UGT1A7: variants seen among roughly 807,000 people sequenced by gnomAD.
The protein encoded by UGT1A7 is UDP-glucuronosyltransferase 1A7.
UGT1A7 carries 33 observed loss-of-function variants against 45.6 expected under a neutral mutation model. The observed-to-expected ratio is 0.72, with a 90% CI of 0.55 to 0.97. UGT1A7 has a LOEUF of 0.97. UGT1A7 is among the 50% of genes least tolerant of loss of function. The pLI is 0.00. For synonymous variants in UGT1A7, 274 were observed against 250.6 expected (o/e 1.09, Z -0.88); for missense variants, 684 against 666.2 (o/e 1.03, Z -0.29).
At chr2:233,726,270 A>G (rs6711351) in intron 1 of UGT1A7, among the ~76,000 whole-genome samples, 81,704 of 152,100 alleles carry the variant, frequency 0.54, 23,602 homozygotes, top group African/African-American at 0.76. Context: ...GCATGCGCCT[A>G]TGGTCCCAGG....
chr2:233,753,949 C>T (rs1032633055), intron 1 of UGT1A7, among the ~76,000 whole-genome samples: 3 of 152,164 alleles, frequency 2.0e-5, no homozygotes, highest in African/African-American at 7.2e-5. Context: ...GTATGACCTC[C>T]AAAATATTAA....
intron 1 of UGT1A7, chr2:233,729,792 C>A (rs370250320): frequency 4.3e-6 from 7 of 1,613,982 alleles, no homozygotes; most frequent in East Asian, 2.2e-5. Flanking sequence ...CCCTGTCCTA[C>A]ATTTGCCATG....
Position 233,772,467 on chromosome 2 carries a change from T to C in UGT1A7, c.1501T>C (p.Phe501Leu), listed in dbSNP as rs761746377. Residue 501 changes from phenylalanine to leucine, a missense_variant, in exon 5 of 5, where the codon TTC becomes CTC. Transcript: ENST00000373426. ...FLLAVVLTVA[F>L]ITFKCCAYGY... is the part of the protein sequence containing the mutation. ...CTTGGCCGTCGTGCTGACAGTGGCC[T>C]TCATCACCTTTAAATGTTGTGCTTA... is the stretch of plus-strand genomic sequence containing the variant. 2 of 1,614,038 alleles carry C rather than the reference T, an allele frequency of 1.2e-6. No individual in the cohort carries two copies. The highest frequency in any genetic ancestry group is 1.3e-5 in the African/African-American group (1 of 74,916).
chr2:233,719,362 A>G (rs780815803), intron 1 of UGT1A7: 39 of 1,613,708 alleles, frequency 2.4e-5, no homozygotes, highest in Non-Finnish European at 3.1e-5. Context: ...TGTGACTTAG[A>G]CTTTAAGGGC....
At chr2:233,697,544 C>A (rs2075397492) in intron 1 of UGT1A7, among the ~76,000 whole-genome samples, 1 of 149,170 alleles carries the variant, frequency 6.7e-6, no homozygotes, top group African/African-American at 2.5e-5. Flanking sequence ...TTGGTCTTTG[C>A]ATTGTTTATT....
At chr2:233,724,917 C>T (rs1223036071) in intron 1 of UGT1A7, among the ~76,000 whole-genome samples, 1 of 141,476 alleles carries the variant, frequency 7.1e-6, no homozygotes, top group Non-Finnish European at 1.5e-5. Flanking sequence ...CCATTGAGCA[C>T]TGAGTGAACG....
intron 1 of UGT1A7, among the ~76,000 whole-genome samples, chr2:233,739,415 C>A (rs1192478838): frequency 6.6e-6 from 1 of 152,198 alleles, no homozygotes; most frequent in African/African-American, 2.4e-5. Context: ...CCTCTGAAAG[C>A]AGCCAGGACG....
intron 1 of UGT1A7, chr2:233,760,592 A>G (rs2125986394): frequency 1.1e-5 from 18 of 1,614,212 alleles, no homozygotes; most frequent in Non-Finnish European, 1.5e-5. Flanking sequence ...GTTTTTGAGA[A>G]TGATTCTTTC....
At chr2:233,698,261 A>G (rs911865957) in intron 1 of UGT1A7, among the ~76,000 whole-genome samples, 9 of 152,224 alleles carry the variant, frequency 5.9e-5, no homozygotes, top group Non-Finnish European at 1.3e-4. Context: ...TTGTCCAATA[A>G]TCAAACCATT....
rs747062491 is a variant in UGT1A7 at position 233,767,878 on chromosome 2, A to T, written c.1017A>T (p.Pro339=). The change falls in exon 3 of 5, where the codon CCA becomes CCT. Residue 339 remains proline, a synonymous_variant. Coordinates refer to ENST00000373426, the MANE Select transcript of UGT1A7 (RefSeq NM_019077.3). ...TGTGGCGGTACACTGGAACCCGACC[A>T]TCGAATCTTGCGAACAACACGATAC... ...TVLWRYTGTR[P]SNLANNTILV... The T allele has an allele frequency of 2.0e-4, 328 of 1,614,032 alleles. No individual in the cohort carries two copies. Among genetic ancestry groups the T allele is most frequent in the Non-Finnish European group, 2.7e-4 (318 of 1,180,042 alleles).
chr2:233,699,787 C>T (rs1396107270), intron 1 of UGT1A7, among the ~76,000 whole-genome samples: 1 of 152,204 alleles, frequency 6.6e-6, no homozygotes, highest in South Asian at 2.1e-4. Flanking sequence ...CAAGTTTCCT[C>T]CTCTCATATT....
intron 1 of UGT1A7, chr2:233,760,701 C>T (rs768185321): frequency 1.2e-5 from 19 of 1,614,172 alleles, no homozygotes; most frequent in Non-Finnish European, 1.6e-5. Flanking sequence ...AGCTCATGGC[C>T]TCCCTGGCAG....
rs1003535917 is a variant in UGT1A7, at chr2:233,692,765, G to A, written c.855+9973G>A. On this transcript the variant is annotated intron_variant, in intron 1 of 4. Coordinates refer to ENST00000373426, the MANE Select transcript of UGT1A7 (RefSeq NM_019077.3). ...AGAAGCAGACTTGTGGAGCTGAAGA[G>A]AAACACCCAGAAGCTCAGGTGAAAG... 4 of 1,253,520 alleles carry A rather than the reference G, an allele frequency of 3.2e-6. No individual in the cohort carries two copies. The African/African-American group carries it at 6.1e-5, about 19-fold the overall frequency. The allele number at this position is 1,253,520 out of a possible 1,614,324, so 77.6% of individuals were successfully genotyped here.
chr2:233,716,632 A>G (rs1442427845), intron 1 of UGT1A7, among the ~76,000 whole-genome samples: 1 of 152,158 alleles, frequency 6.6e-6, no homozygotes, highest in Non-Finnish European at 1.5e-5. Flanking sequence ...TGAAGTTTTT[A>G]TCGTTTGTAC....
At chr2:233,757,428 A>C (rs987166652) in intron 1 of UGT1A7, among the ~76,000 whole-genome samples, 1 of 151,108 alleles carries the variant, frequency 6.6e-6, no homozygotes, top group Non-Finnish European at 1.5e-5. Flanking sequence ...AAGAGAAGAA[A>C]AGTCACTTCT....
intron 1 of UGT1A7, among the ~76,000 whole-genome samples, chr2:233,714,326 A>T (rs1163768805): frequency 6.6e-6 from 1 of 152,128 alleles, no homozygotes. Context: ...ACCACAGGAG[A>T]CCTAAGCACT....
At chr2:233,737,493 C>T (rs2078886571) in intron 1 of UGT1A7, among the ~76,000 whole-genome samples, 1 of 152,188 alleles carries the variant, frequency 6.6e-6, no homozygotes, top group Admixed American at 6.5e-5. Flanking sequence ...AAGGGAAATC[C>T]CTCACCCTCT....
At chr2:233,712,952 A>G (rs1036580894) in intron 1 of UGT1A7, 10 of 1,612,796 alleles carry the variant, frequency 6.2e-6, no homozygotes, top group Non-Finnish European at 7.6e-6. Flanking sequence ...AGGAGGCACA[A>G]CGTGGGGTGG....
chr2:233,715,550 T>C (rs1275679420), intron 1 of UGT1A7, among the ~76,000 whole-genome samples: 5 of 152,112 alleles, frequency 3.3e-5, no homozygotes, highest in African/African-American at 7.2e-5. Flanking sequence ...GGGAGGAGGA[T>C]TGCTTGAGCC....
Sources: gnomAD v4.1 joint callset for allele counts (sites outside exome capture counted in the v4.1 genomes callset) on GRCh38, gnomAD v4.1.1 for gene constraint, MANE v1.5 for transcripts, NCBI Gene and HGNC (gene_info 2026-07-23, HGNC 2026-07-21) for gene names.